SLC49A3: variants seen among roughly 807,000 people sequenced by gnomAD.
SLC49A3 encodes solute carrier family 49 member 3.
SLC49A3 carries 50 observed loss-of-function variants against 43.8 expected under a neutral mutation model. The observed-to-expected ratio is 1.14, with a 90% CI of 0.91 to 1.45. SLC49A3 has a LOEUF of 1.45. Ranked by LOEUF, SLC49A3 falls within the 40% of genes most tolerant of loss-of-function variation. SLC49A3 has a pLI of 0.00. For synonymous variants in SLC49A3, 413 were observed against 352.0 expected (o/e 1.17, Z -1.94); for missense variants, 906 against 774.1 (o/e 1.17, Z -2.02).
chr4:681,174 G>C (rs980443352), downstream of SLC49A3: 1 of 1,588,222 alleles, frequency 6.3e-7, no homozygotes, highest in African/African-American at 1.3e-5. Flanking sequence ...AAGCCCACGA[G>C]GGGAGGGCGG....
Position 686,598 on chromosome 4 carries a change from G to T in SLC49A3, c.228C>A (p.Leu76=). The T allele has an allele frequency of 6.2e-7, 1 of 1,613,318 alleles. No homozygotes were observed. The highest frequency in any genetic ancestry group is 1.1e-5 in the South Asian group (1 of 91,086). Residue 76 remains leucine (L), a synonymous_variant, in exon 2 of 10, where the codon CTC becomes CTA. Transcript: ENST00000322224. ...EQINWLSLVY[L]VVSTPFGVAA... ...CCACGCCAAATGGGGTGGATACCAC[G>T]AGGTAGACCAGTGACAGCCAGTTGA... is the stretch of plus-strand genomic sequence containing the variant.
chr4:690,460 T>G (rs571400538), upstream of SLC49A3, among the ~76,000 whole-genome samples: 2 of 151,998 alleles, frequency 1.3e-5, no homozygotes, highest in South Asian at 2.1e-4. Context: ...CGCCCTGCCC[T>G]GAGGACCCAG....
chr4:689,748 C>G (rs1302918696), upstream of SLC49A3, among the ~76,000 whole-genome samples: 4 of 152,274 alleles, frequency 2.6e-5, no homozygotes, highest in African/African-American at 9.6e-5. Flanking sequence ...CGGATTGTTA[C>G]CTGCATTTTA....
Position 685,147 on chromosome 4 carries a change from C to T in SLC49A3, c.586-291G>A. On this transcript the variant is annotated intron_variant, in intron 4 of 9. Transcript: ENST00000322224. The surrounding 1 kb of genome is among the most constrained non-coding windows in gnomAD (Gnocchi z 4.3). Reference sequence around the variant, plus strand: ...TTACATCTCACTGCCAGCTGCACAGCCCATGATAGGGCTCAACACACAGAC... The same window carrying T: ...TTACATCTCACTGCCAGCTGCACAGTCCATGATAGGGCTCAACACACAGAC... The T allele has an allele frequency of 4.0e-6, 2 of 495,514 alleles. No homozygotes were observed. Among genetic ancestry groups the T allele is most frequent in the South Asian group, 5.0e-5 (2 of 40,112 alleles). 30.7% of individuals were successfully genotyped at this position (495,514 alleles called of 1,614,324 possible).
rs1740891926 is a variant in SLC49A3, at chr4:685,824, T to G, written c.585+11A>C. 1 of 1,613,862 alleles carries G rather than the reference T, an allele frequency of 6.2e-7. No homozygotes were observed. Among genetic ancestry groups the G allele is most frequent in the Non-Finnish European group, 8.5e-7 (1 of 1,179,910 alleles). On this transcript the variant is annotated intron_variant, in intron 4 of 9. Coordinates refer to ENST00000322224, the MANE Select transcript of SLC49A3 (RefSeq NM_032219.4). This position sits in a 1 kb window ranked among gnomAD's most constrained non-coding sequence, Gnocchi z 4.3. ...ACACAGACCAGGCACGGGCGTCTCATGACCCCTCACCATTAACGGAATGTC... is the reference window on the plus strand; with the variant it reads ...ACACAGACCAGGCACGGGCGTCTCAGGACCCCTCACCATTAACGGAATGTC...
At chr4:679,248 C>A, downstream of SLC49A3, 2 of 671,114 alleles carry the variant, frequency 3.0e-6, no homozygotes, top group Non-Finnish European at 5.3e-6. Context: ...GTGGGTGGGA[C>A]AGCCCAAGCC....
chr4:684,747 G>C lies in SLC49A3; in HGVS notation c.695C>G (p.Ser232Ter). 1 of 1,611,998 alleles carries C rather than the reference G, an allele frequency of 6.2e-7. No individual in the cohort carries two copies. Among genetic ancestry groups the C allele is most frequent in the South Asian group, 1.1e-5 (1 of 91,060 alleles). The change falls in exon 5 of 10, where the codon TCA becomes TGA. Residue 232 changes from serine (S) to a stop codon, truncating the protein, a stop_gained. Coordinates refer to ENST00000322224, the MANE Select transcript of SLC49A3 (RefSeq NM_032219.4). LOFTEE classifies it high-confidence loss of function. Reference sequence around the variant, plus strand: ...CTTGAGCCCATCCAGGAACTTCTCTGAGGTGGAGCTGGCAGCCCCGGCAGA... The same window carrying C: ...CTTGAGCCCATCCAGGAACTTCTCTCAGGTGGAGCTGGCAGCCCCGGCAGA... Reference protein sequence around the residue: ...PPSAGAASSTSEKFLDGLKLL... With the variant: ...PPSAGAASST
At chr4:682,646 G>T in intron 9 of SLC49A3, 135 bp downstream of exon 9, 1 of 691,840 alleles carries the variant, frequency 1.4e-6, no homozygotes, top group Non-Finnish European at 2.3e-6. Context: ...CTATTGCCCG[G>T]GGACTCCCTG....
Position 685,034 on chromosome 4 carries a change from G to C in SLC49A3, c.586-178C>G, listed in dbSNP as rs913880908. ...CAGGCTGGGAGGGGCCTGCTCCAGG[G>C]GCTCATGGGGACCCCTGGCTGTCAA... On this transcript the variant is annotated intron_variant, in intron 4 of 9. Transcript: ENST00000322224. This position sits in a 1 kb window ranked among gnomAD's most constrained non-coding sequence, Gnocchi z 4.3. The C allele has an allele frequency of 5.0e-6, 4 of 802,154 alleles. No individual in the cohort carries two copies. The highest frequency in any genetic ancestry group is 1.8e-5 in the African/African-American group (1 of 56,696). 49.7% of individuals were successfully genotyped at this position (802,154 alleles called of 1,614,324 possible).
chr4:677,915 C>T (rs1042473134), downstream of SLC49A3: 7 of 1,588,398 alleles, frequency 4.4e-6, no homozygotes, highest in Admixed American at 1.0e-4. Context: ...CAAGCCTGTC[C>T]TTGTAGGGAG....
chr4:685,722 G>T lies in SLC49A3; in HGVS notation c.585+113C>A. ...CTCCTTCTCGGGTGGCGGGGCGGGGGACGGGAATCACACACGGGCACAGGA... is the reference window on the plus strand; with the variant it reads ...CTCCTTCTCGGGTGGCGGGGCGGGGTACGGGAATCACACACGGGCACAGGA... On this transcript the variant is annotated intron_variant, in intron 4 of 9. Coordinates refer to ENST00000322224, the MANE Select transcript of SLC49A3 (RefSeq NM_032219.4). This position sits in a 1 kb window ranked among gnomAD's most constrained non-coding sequence, Gnocchi z 4.3. 8.7e-7 allele frequency: 1 copy of T among 1,152,002 alleles called. No individual in the cohort carries two copies. Among genetic ancestry groups the T allele is most frequent in the Non-Finnish European group, 1.3e-6 (1 of 790,804 alleles). The allele number at this position is 1,152,002 out of a possible 1,614,324, so 71.4% of individuals were successfully genotyped here.
rs555057709 is a variant in SLC49A3 at position 685,466 on chromosome 4, G to A, written c.585+369C>T. On this transcript the variant is annotated intron_variant, in intron 4 of 9. Transcript: ENST00000322224. The surrounding 1 kb of genome is among the most constrained non-coding windows in gnomAD (Gnocchi z 4.3). ...TGTCATCCTAGCACTTTGGGAAGCC[G>A]AGGCAGACGGATCATGAGGTCAGGA... 3.9e-5 allele frequency among the ~76,000 whole-genome samples: 6 copies of A among 152,066 alleles called. No homozygotes were observed. In the East Asian group the frequency reaches 5.8e-4, roughly 15 times the overall value.
chr4:686,913 G>A (rs923750776), intron 1 of SLC49A3, among the ~76,000 whole-genome samples: 25 of 152,222 alleles, frequency 1.6e-4, no homozygotes, highest in African/African-American at 6.0e-4. Flanking sequence ...CCGGGGACCA[G>A]CCTGGGGGGC....
At chr4:678,488 A>T, downstream of SLC49A3, 2 of 1,435,374 alleles carry the variant, frequency 1.4e-6, no homozygotes, top group South Asian at 3.0e-5. Flanking sequence ...CCTGCCCCCA[A>T]CCCCAGCTAC....
downstream of SLC49A3, chr4:678,314 G>A (rs1037583069): frequency 2.0e-5 from 28 of 1,428,200 alleles, no homozygotes; most frequent in East Asian, 1.3e-4. Context: ...ACAAAATCCC[G>A]GTACCCAGAA....
downstream of SLC49A3, chr4:680,918 T>G (rs1275265420): frequency 1.1e-5 from 8 of 729,934 alleles, no homozygotes; most frequent in African/African-American, 1.2e-4. Context: ...CCCCCAGAAG[T>G]GATGGCCCCT....
chr4:678,539 C>G (rs562261133), downstream of SLC49A3: 51 of 1,469,252 alleles, frequency 3.5e-5, no homozygotes, highest in Non-Finnish European at 4.4e-5. Context: ...GTCTGGCCCC[C>G]TCCAGCCCGA....
At chr4:684,948 C>T in intron 4 of SLC49A3, 92 bp from the exon 5 acceptor site, 4 of 1,479,270 alleles carry the variant, frequency 2.7e-6, no homozygotes, top group Non-Finnish European at 3.6e-6. Context: ...CCTCCCAGCT[C>T]CTCCTGCCCC....
rs1461053445 is a variant in SLC49A3 at position 685,377 on chromosome 4, ACACT to A, written c.585+454_585+457del. ...GAGACACGCACCGCACACACCACACACACTCAATACACACAGGCAGGCATAGAAA... is the reference window on the plus strand; with the variant it reads ...GAGACACGCACCGCACACACCACACACAATACACACAGGCAGGCATAGAAA... On this transcript the variant is annotated intron_variant, in intron 4 of 9. Transcript: ENST00000322224. The surrounding 1 kb of genome is among the most constrained non-coding windows in gnomAD (Gnocchi z 4.3). 7.9e-5 allele frequency among the ~76,000 whole-genome samples: 12 copies of A among 151,960 alleles called. No homozygotes were observed. The highest frequency in any genetic ancestry group is 1.5e-4 in the African/African-American group (6 of 41,346).
Sources: gnomAD v4.1 joint callset for allele counts (sites outside exome capture counted in the v4.1 genomes callset) on GRCh38, gnomAD v4.1.1 for gene constraint, Gnocchi (gnomAD v3.1) non-coding constraint, MANE v1.5 for transcripts, NCBI Gene and HGNC (gene_info 2026-07-23, HGNC 2026-07-21) for gene names.